CNBD1: variants seen among roughly 807,000 people sequenced by gnomAD.
CNBD1 encodes cyclic nucleotide binding domain containing 1.
In CNBD1, 71 loss-of-function variants were observed where a neutral mutation model predicts 54.4. The observed-to-expected ratio is 1.30, with a 90% CI of 1.08 to 1.59. CNBD1 has a LOEUF of 1.59. Ranked by LOEUF, CNBD1 falls within the 40% of genes most tolerant of loss-of-function variation. CNBD1 has a pLI of 0.00. For synonymous variants in CNBD1, 182 were observed against 170.7 expected (o/e 1.07, Z -0.51); for missense variants, 659 against 518.0 (o/e 1.27, Z -2.64).
intron 4 of CNBD1, among the ~76,000 whole-genome samples, chr8:87,191,574 C>G (rs1052240226): frequency 6.6e-6 from 1 of 152,174 alleles, no homozygotes; most frequent in Admixed American, 6.6e-5. Context: ...ACTCAGTTTT[C>G]ATGGCACCTG....
chr8:87,241,268 A>ATTTTTTTTTT (rs34829455), intron 6 of CNBD1, among the ~76,000 whole-genome samples: 5 of 93,856 alleles, frequency 5.3e-5, no homozygotes, highest in Admixed American at 2.4e-4. Context: ...TATTTGGAAG[A>ATTTTTTTTTT]TTTTTTTTTT....
At chr8:86,958,212 G>C (rs1209054483) in intron 4 of CNBD1, among the ~76,000 whole-genome samples, 3 of 152,118 alleles carry the variant, frequency 2.0e-5, no homozygotes, top group Admixed American at 6.6e-5. Flanking sequence ...TATAATTTCT[G>C]TTCTTTTACA....
chr8:87,126,329 T>G (rs1281078317), intron 4 of CNBD1, among the ~76,000 whole-genome samples: 1 of 151,994 alleles, frequency 6.6e-6, no homozygotes, highest in Non-Finnish European at 1.5e-5. Context: ...ACATCCTTAG[T>G]CTTTTTAAAT....
At chr8:87,366,276 A>G (rs760068703) in intron 10 of CNBD1, among the ~76,000 whole-genome samples, 1 of 152,036 alleles carries the variant, frequency 6.6e-6, no homozygotes, top group Non-Finnish European at 1.5e-5. Flanking sequence ...AGGGCTGTGG[A>G]GAAGAGGTCA....
chr8:87,167,538 CAG>C (rs1264295138), intron 4 of CNBD1, among the ~76,000 whole-genome samples: 1 of 151,676 alleles, frequency 6.6e-6, no homozygotes, highest in Non-Finnish European at 1.5e-5. Context: ...TTTAAATAGA[CAG>C]AATTTTTATG....
chr8:87,403,698 C>A (rs982890034), intron 2 of CNBD1, among the ~76,000 whole-genome samples: 6 of 151,754 alleles, frequency 4.0e-5, no homozygotes, highest in Non-Finnish European at 5.9e-5. Flanking sequence ...ATATTTACGA[C>A]AACAGTTACT....
intron 6 of CNBD1, among the ~76,000 whole-genome samples, chr8:87,242,158 A>G (rs1018391709): frequency 6.6e-6 from 1 of 152,202 alleles, no homozygotes; most frequent in Admixed American, 6.5e-5. Context: ...AACATGACAG[A>G]TGGCAGGCCC....
intron 4 of CNBD1, among the ~76,000 whole-genome samples, chr8:87,134,589 AT>A (rs1028450196): frequency 2.4e-5 from 3 of 127,516 alleles, no homozygotes; most frequent in African/African-American, 8.7e-5. Flanking sequence ...TGTTAATTAG[AT>A]TACCTTTTTT....
intron 4 of CNBD1, among the ~76,000 whole-genome samples, chr8:87,131,721 AT>A (rs1416604957): frequency 1.3e-5 from 2 of 152,062 alleles, no homozygotes; most frequent in African/African-American, 4.8e-5. Flanking sequence ...TGGAACACAC[AT>A]ACACACAATA....
intron 8 of CNBD1, among the ~76,000 whole-genome samples, chr8:87,335,743 C>T (rs1219597491): frequency 1.3e-5 from 2 of 152,160 alleles, no homozygotes; most frequent in South Asian, 2.1e-4. Flanking sequence ...TTTATCATGT[C>T]GTCATGACAC....
chr8:86,967,378 G>A (rs1218038827), intron 4 of CNBD1, among the ~76,000 whole-genome samples: 1 of 152,242 alleles, frequency 6.6e-6, no homozygotes, highest in Non-Finnish European at 1.5e-5. Context: ...GCTCCTGTCT[G>A]CTCTGTAAAG....
At chr8:86,873,364 G>T (rs1408194281) in intron 1 of CNBD1, among the ~76,000 whole-genome samples, 1 of 151,660 alleles carries the variant, frequency 6.6e-6, no homozygotes, top group Non-Finnish European at 1.5e-5. Context: ...GCCTCCCAAA[G>T]TGCTAGGATT....
intron 4 of CNBD1, among the ~76,000 whole-genome samples, chr8:86,956,767 A>G (rs991418965): frequency 6.6e-6 from 1 of 152,224 alleles, no homozygotes; most frequent in African/African-American, 2.4e-5. Flanking sequence ...CAATCATGTC[A>G]TCTGCAAACA....
At chr8:86,884,678 T>C (rs1808655125) in intron 1 of CNBD1, among the ~76,000 whole-genome samples, 2 of 152,202 alleles carry the variant, frequency 1.3e-5, no homozygotes, top group African/African-American at 4.8e-5. Flanking sequence ...TCCAGCTTCT[T>C]GTTCAGTACT....
At chr8:87,149,676 GACTGACCT>G (rs1418041832) in intron 4 of CNBD1, among the ~76,000 whole-genome samples, 3 of 152,106 alleles carry the variant, frequency 2.0e-5, no homozygotes, top group Admixed American at 1.3e-4. Flanking sequence ...GGAGTTCATA[GACTGACCT>G]ACAGAGCATG....
downstream of CNBD1, among the ~76,000 whole-genome samples, chr8:87,386,425 T>G (rs1199979067): frequency 6.6e-6 from 1 of 152,040 alleles, no homozygotes; most frequent in East Asian, 1.9e-4. Context: ...TTAAAGGACC[T>G]GATGGAGCTG....
chr8:87,175,921 C>G (rs536824215), intron 4 of CNBD1, among the ~76,000 whole-genome samples: 64 of 152,152 alleles, frequency 4.2e-4, no homozygotes, highest in Non-Finnish European at 8.7e-4. Flanking sequence ...TCTCCTCTGG[C>G]TAGGGCGGGT....
intron 4 of CNBD1, among the ~76,000 whole-genome samples, chr8:86,998,451 T>G (rs1021261400): frequency 6.6e-6 from 1 of 152,138 alleles, no homozygotes; most frequent in African/African-American, 2.4e-5. Flanking sequence ...AAATAGATCT[T>G]GAAAAGGACA....
chr8:87,389,574 A>G (rs1020763263), intron 2 of CNBD1, among the ~76,000 whole-genome samples: 7 of 152,192 alleles, frequency 4.6e-5, no homozygotes, highest in African/African-American at 1.2e-4. Context: ...AAGGAGAACT[A>G]CAAACCACTG....
Sources: gnomAD v4.1 joint callset for allele counts (sites outside exome capture counted in the v4.1 genomes callset) on GRCh38, gnomAD v4.1.1 for gene constraint, MANE v1.5 for transcripts, NCBI Gene and HGNC (gene_info 2026-07-23, HGNC 2026-07-21) for gene names.